Variants in GSK3B observed in about 807,000 individuals in gnomAD.
GSK3B encodes the protein glycogen synthase kinase 3 beta.
In GSK3B, 15 loss-of-function variants were observed where a neutral mutation model predicts 56.4. The ratio of observed to expected loss-of-function variants is 0.27; its 90% CI spans 0.18 to 0.41. The LOEUF is 0.41. Among genes scored for constraint, GSK3B ranks in the 10% least tolerant of loss-of-function variants. GSK3B has a pLI of 1.00. For synonymous variants in GSK3B, 181 were observed against 188.9 expected (o/e 0.96, Z 0.34); for missense variants, 300 against 513.4 (o/e 0.58, Z 4.02).
intron 1 of GSK3B, among the ~76,000 whole-genome samples, chr3:120,077,934 T>C (rs777756275): frequency 3.6e-4 from 55 of 151,920 alleles, no homozygotes; most frequent in Middle Eastern, 3.4e-3. Flanking sequence ...TAAAAAAATA[T>C]ATTTTTTTTA....
At chr3:119,914,044 G>A (rs2056759598) in intron 5 of GSK3B, among the ~76,000 whole-genome samples, 1 of 152,006 alleles carries the variant, frequency 6.6e-6, no homozygotes, top group Non-Finnish European at 1.5e-5. Flanking sequence ...AAGCTTTGTA[G>A]CCTGAAGTTT....
At position 119,945,775 on chromosome 3, in the gene GSK3B, C is replaced by G. The variant is rs189089910; in HGVS notation, c.366+1493G>C. Among the ~76,000 whole-genome samples the G allele has an allele frequency of 5.3e-4, 80 of 151,892 alleles. 1 individual carries two copies. In the East Asian group the frequency reaches 0.014, roughly 26 times the overall value. Reference sequence around the variant, plus strand: ...AATGTTTAAGAACTCTGGGAGGAGGCCTTTTTTCAAATGAATCTATTGTAA... The same window carrying G: ...AATGTTTAAGAACTCTGGGAGGAGGGCTTTTTTCAAATGAATCTATTGTAA... On this transcript the variant is annotated intron_variant, in intron 3 of 10. Transcript: ENST00000264235.
intron 3 of GSK3B, among the ~76,000 whole-genome samples, chr3:119,938,159 G>GA (rs1408026582): frequency 2.6e-5 from 4 of 151,888 alleles, no homozygotes. Flanking sequence ...TAAAGTCCAG[G>GA]ACCTGATGAT....
At chr3:120,006,641 GA>G (rs1249123505) in intron 1 of GSK3B, among the ~76,000 whole-genome samples, 2 of 152,174 alleles carry the variant, frequency 1.3e-5, no homozygotes, top group African/African-American at 4.8e-5. Flanking sequence ...CATGGAAACT[GA>G]ACAACCTGCT....
At chr3:119,864,115 G>A (rs979424291) in intron 8 of GSK3B, among the ~76,000 whole-genome samples, 1 of 152,100 alleles carries the variant, frequency 6.6e-6, no homozygotes, top group Admixed American at 6.5e-5. Flanking sequence ...AATAAACAGA[G>A]CCTACCATTA....
intron 10 of GSK3B, among the ~76,000 whole-genome samples, chr3:119,829,323 C>A (rs138656354): frequency 1.3e-5 from 2 of 152,306 alleles, no homozygotes; most frequent in African/African-American, 4.8e-5. Context: ...ATGTCACATG[C>A]TCTGATGACA....
At chr3:119,993,176 C>T (rs1205278554) in intron 2 of GSK3B, among the ~76,000 whole-genome samples, 3 of 149,902 alleles carry the variant, frequency 2.0e-5, no homozygotes, top group African/African-American at 7.4e-5. Context: ...CACAAACGAG[C>T]AGGTATGTGT....
intron 2 of GSK3B, among the ~76,000 whole-genome samples, chr3:119,984,378 G>C (rs1305526053): frequency 7.3e-6 from 1 of 137,540 alleles, no homozygotes. Flanking sequence ...GAAGGAGATA[G>C]AGACACAGAA....
At chr3:120,003,173 T>G (rs2057695183) in intron 1 of GSK3B, among the ~76,000 whole-genome samples, 1 of 152,208 alleles carries the variant, frequency 6.6e-6, no homozygotes, top group East Asian at 1.9e-4. Context: ...AGCATATCAC[T>G]GGCTCCAGGG....
chr3:119,937,646 T>G (rs1333075529), intron 3 of GSK3B, among the ~76,000 whole-genome samples: 1 of 152,010 alleles, frequency 6.6e-6, no homozygotes, highest in Non-Finnish European at 1.5e-5. Context: ...GAAGGAAATT[T>G]ACAGCTGTAA....
At chr3:119,982,399 G>A (rs1018287156) in intron 2 of GSK3B, among the ~76,000 whole-genome samples, 1 of 152,128 alleles carries the variant, frequency 6.6e-6, no homozygotes, top group African/African-American at 2.4e-5. Flanking sequence ...CATAAGGTCG[G>A]TAATAACAGA....
intron 1 of GSK3B, among the ~76,000 whole-genome samples, chr3:120,076,971 C>G (rs529811050): frequency 6.6e-6 from 1 of 151,872 alleles, no homozygotes; most frequent in South Asian, 2.1e-4. Flanking sequence ...TACCACCTCA[C>G]CCCTGTTAGG....
intron 1 of GSK3B, among the ~76,000 whole-genome samples, chr3:120,014,891 A>C (rs917947889): frequency 6.6e-6 from 1 of 152,192 alleles, no homozygotes; most frequent in Non-Finnish European, 1.5e-5. Context: ...GAGATGACAG[A>C]AAGACTCCAG....
At chr3:119,949,793 CAAAA>C (rs927567102) in intron 2 of GSK3B, among the ~76,000 whole-genome samples, 2 of 62,314 alleles carry the variant, frequency 3.2e-5, no homozygotes, top group Admixed American at 1.9e-4. Flanking sequence ...GACTCCGTCT[CAAAA>C]AAAAAAAAAA....
chr3:119,864,604 G>A (rs1428834626), intron 8 of GSK3B, among the ~76,000 whole-genome samples: 1 of 152,200 alleles, frequency 6.6e-6, no homozygotes, highest in Non-Finnish European at 1.5e-5. Flanking sequence ...TAAATGGAGG[G>A]AAACGGACCC....
chr3:120,066,875 G>A (rs972544733), intron 1 of GSK3B, among the ~76,000 whole-genome samples: 3 of 152,140 alleles, frequency 2.0e-5, no homozygotes, highest in African/African-American at 7.2e-5. Context: ...ATCGTATTTG[G>A]CCTATAAGCT....
intron 10 of GSK3B, among the ~76,000 whole-genome samples, chr3:119,834,391 T>C (rs892416047): frequency 1.3e-5 from 2 of 152,186 alleles, no homozygotes; most frequent in Admixed American, 1.3e-4. Flanking sequence ...GGAAAAGATG[T>C]GGCACAGAAC....
intron 2 of GSK3B, among the ~76,000 whole-genome samples, chr3:119,958,625 CTA>C (rs1172523692): frequency 6.6e-6 from 1 of 152,020 alleles, no homozygotes; most frequent in African/African-American, 2.4e-5. Context: ...CTACAGTGCG[CTA>C]TGATTGTGAC....
chr3:119,839,592 C>G (rs1345695992), intron 10 of GSK3B, among the ~76,000 whole-genome samples: 1 of 152,164 alleles, frequency 6.6e-6, no homozygotes, highest in Admixed American at 6.5e-5. Flanking sequence ...GGTATTTTAA[C>G]AGATCAGATG....
Sources: allele counts gnomAD v4.1 joint callset (sites outside exome capture counted in the v4.1 genomes callset), GRCh38; gene constraint gnomAD v4.1.1; transcripts MANE v1.5; gene names NCBI Gene and HGNC (gene_info 2026-07-23, HGNC 2026-07-21).